ZBTB20: variants seen among roughly 807,000 people sequenced by gnomAD.
ZBTB20 encodes zinc finger and BTB domain-containing protein 20.
Under a neutral mutation model 56.9 loss-of-function variants are expected in ZBTB20, and 9 were observed. The ratio of observed to expected loss-of-function variants is 0.16; its 90% CI spans 0.10 to 0.28. The LOEUF is 0.28. ZBTB20 is among the 10% of genes least tolerant of loss of function. The probability of loss-of-function intolerance (pLI) is 1.00; values close to 1 mark genes in which losing one functional copy is unlikely to be tolerated. For missense variants in ZBTB20, 655 were observed against 1,003.0 expected, an observed-to-expected ratio of 0.65 and a Z score of 4.69; for synonymous variants, 417 against 420.7, an observed-to-expected ratio of 0.99 and a Z score of 0.11.
chr3:114,539,272 A>C (rs2048835415), intron 6 of ZBTB20, among the ~76,000 whole-genome samples: 1 of 152,136 alleles, frequency 6.6e-6, no homozygotes, highest in Admixed American at 6.6e-5. Flanking sequence ...CATACATTTT[A>C]AGTCTCACGG....
rs1415248187 is a variant in ZBTB20 at position 114,384,457 on chromosome 3, CA to C, written c.-153-3518del. ...CTCCCGCCACACTGGTGGAGCTCTGCATTCAAAAAAAGAAAAAAAAAAAAGG... is the reference window on the plus strand; with the variant it reads ...CTCCCGCCACACTGGTGGAGCTCTGCTTCAAAAAAAGAAAAAAAAAAAAGG... On this transcript the variant is annotated intron_variant, in intron 8 of 11. Coordinates refer to ENST00000675478, the MANE Select transcript of ZBTB20 (RefSeq NM_001348800.3). Among the ~76,000 whole-genome samples, 26 of 150,370 alleles carry C rather than the reference CA, an allele frequency of 1.7e-4. 1 individual carries two copies. Among genetic ancestry groups the C allele is most frequent in the Non-Finnish European group, 3.0e-5 (2 of 67,678 alleles).
At chr3:114,467,938 A>G (rs549716200) in intron 7 of ZBTB20, among the ~76,000 whole-genome samples, 26 of 152,152 alleles carry the variant, frequency 1.7e-4, no homozygotes, top group African/African-American at 6.3e-4. Flanking sequence ...ACCTGGGAGC[A>G]CTCCTTCCTA....
intron 3 of ZBTB20, among the ~76,000 whole-genome samples, chr3:114,957,163 G>T (rs936419655): frequency 5.9e-5 from 9 of 152,122 alleles, no homozygotes; most frequent in South Asian, 2.1e-4. Flanking sequence ...AAATCATACT[G>T]CAGGCAACTC....
chr3:114,533,306 T>A (rs1168906834), intron 6 of ZBTB20, among the ~76,000 whole-genome samples: 2 of 151,920 alleles, frequency 1.3e-5, no homozygotes, highest in African/African-American at 2.4e-5. Context: ...AATTACCTGC[T>A]GGAACTGAAA....
intron 6 of ZBTB20, among the ~76,000 whole-genome samples, chr3:114,540,643 A>T (rs1274843514): frequency 6.6e-6 from 1 of 152,110 alleles, no homozygotes; most frequent in Admixed American, 6.6e-5. Flanking sequence ...TCCTGTAGCC[A>T]TGTCTCCACT....
intron 6 of ZBTB20, among the ~76,000 whole-genome samples, chr3:114,662,190 T>C (rs1224342164): frequency 6.6e-6 from 1 of 151,944 alleles, no homozygotes; most frequent in African/African-American, 2.4e-5. Flanking sequence ...TTACTGAGAA[T>C]GATGATTTCC....
chr3:114,703,215 T>C lies in ZBTB20; in HGVS notation c.-342-9640A>G, dbSNP rs180834977. On this transcript the variant is annotated intron_variant, in intron 5 of 11. Transcript: ENST00000675478. Reference sequence around the variant, plus strand: ...TTGCTTCGCCCTTCCCTCCTTTTTTTCCTCTAGTCTAAACTCTGATTTGGA... The same window carrying C: ...TTGCTTCGCCCTTCCCTCCTTTTTTCCCTCTAGTCTAAACTCTGATTTGGA... Among the ~76,000 whole-genome samples the C allele has an allele frequency of 3.4e-4, 52 of 152,276 alleles. 1 individual carries two copies. Among genetic ancestry groups the C allele is most frequent in the Admixed American group, 3.3e-3 (51 of 15,282 alleles).
At chr3:114,676,506 T>C (rs1022137608) in intron 6 of ZBTB20, among the ~76,000 whole-genome samples, 3 of 152,140 alleles carry the variant, frequency 2.0e-5, no homozygotes, top group Admixed American at 2.0e-4. Context: ...TTAGATTGTT[T>C]TTCAGAAAAA....
At chr3:114,490,925 T>A (rs948696709) in intron 7 of ZBTB20, among the ~76,000 whole-genome samples, 1 of 152,184 alleles carries the variant, frequency 6.6e-6, no homozygotes, top group Non-Finnish European at 1.5e-5. Flanking sequence ...AGAAAAGGAA[T>A]GACATCGGTC....
chr3:114,453,264 T>G (rs780550314), intron 7 of ZBTB20, among the ~76,000 whole-genome samples: 1 of 152,318 alleles, frequency 6.6e-6, no homozygotes, highest in Non-Finnish European at 1.5e-5. Context: ...GACTATATTT[T>G]GCATGAACTA....
chr3:114,796,014 ATTAGT>A (rs2071320410), intron 5 of ZBTB20, among the ~76,000 whole-genome samples: 1 of 151,826 alleles, frequency 6.6e-6, no homozygotes, highest in South Asian at 2.1e-4. Flanking sequence ...TGAGTATTGC[ATTAGT>A]TTCTTAGAGC....
At chr3:114,862,359 G>C (rs2075573669) in intron 4 of ZBTB20, among the ~76,000 whole-genome samples, 1 of 151,748 alleles carries the variant, frequency 6.6e-6, no homozygotes, top group Admixed American at 6.6e-5. Context: ...TGGATGCCCA[G>C]GGAAGATTAA....
chr3:114,708,625 C>A (rs2063860973), intron 5 of ZBTB20, among the ~76,000 whole-genome samples: 1 of 152,084 alleles, frequency 6.6e-6, no homozygotes, highest in South Asian at 2.1e-4. Flanking sequence ...TTTAAGAAAT[C>A]ATATTTTAGA....
In ZBTB20 at chr3:114,818,393, T is replaced by C. The variant is rs141552427; in HGVS notation, c.-416-17219A>G. 6.6e-5 allele frequency among the ~76,000 whole-genome samples: 10 copies of C among 152,238 alleles called. 1 individual carries two copies. Among genetic ancestry groups the C allele is most frequent in the African/African-American group, 2.4e-4 (10 of 41,576 alleles). The stretch of plus-strand genomic sequence containing the variant: ...CAATTTGATAGTGGAAAATCAATTA[T>C]GCTAAGTCCTTTGCTGAACTGTCAC... On this transcript the variant is annotated intron_variant, in intron 4 of 11. Coordinates refer to ENST00000675478, the MANE Select transcript of ZBTB20 (RefSeq NM_001348800.3).
intron 7 of ZBTB20, among the ~76,000 whole-genome samples, chr3:114,495,225 C>A (rs758263981): frequency 6.6e-6 from 1 of 152,116 alleles, no homozygotes; most frequent in Admixed American, 6.5e-5. Context: ...TTTAACTATC[C>A]AATAAAAATT....
intron 5 of ZBTB20, among the ~76,000 whole-genome samples, chr3:114,775,065 C>T (rs955354691): frequency 3.9e-5 from 6 of 152,068 alleles, no homozygotes; most frequent in Admixed American, 2.0e-4. Context: ...TCCATTCCCA[C>T]GAGCCCACCT....
At chr3:114,590,014 T>C (rs2107549992) in intron 6 of ZBTB20, among the ~76,000 whole-genome samples, 1 of 152,336 alleles carries the variant, frequency 6.6e-6, no homozygotes, top group South Asian at 2.1e-4. Flanking sequence ...GGAAATGGTC[T>C]GAGTATATTG....
At chr3:114,851,610 G>GA (rs1324081238) in intron 4 of ZBTB20, among the ~76,000 whole-genome samples, 1 of 151,722 alleles carries the variant, frequency 6.6e-6, no homozygotes, top group African/African-American at 2.4e-5. Context: ...TATTCTCTTT[G>GA]AAAAAACCAA....
chr3:114,898,621 A>T (rs2074983119), intron 4 of ZBTB20, among the ~76,000 whole-genome samples: 2 of 152,174 alleles, frequency 1.3e-5, no homozygotes, highest in African/African-American at 4.8e-5. Context: ...TTCAACATTT[A>T]CTGATCAACT....
Sources: gnomAD v4.1 joint callset for allele counts (sites outside exome capture counted in the v4.1 genomes callset) on GRCh38, gnomAD v4.1.1 for gene constraint, MANE v1.5 for transcripts, NCBI Gene and HGNC (gene_info 2026-07-23, HGNC 2026-07-21) for gene names.